The following VAV2 variants were observed in gnomAD, a reference collection of about 807,000 sequenced individuals.
VAV2 encodes guanine nucleotide exchange factor VAV2.
Under a neutral mutation model 132.5 loss-of-function variants are expected in VAV2, and 67 were observed. The ratio of observed to expected loss-of-function variants is 0.51; its 90% CI spans 0.42 to 0.62. The LOEUF (loss-of-function observed/expected upper bound fraction) is 0.62. Ranked by LOEUF, VAV2 falls within the 20% of genes least tolerant of loss-of-function variation. VAV2 has a pLI of 0.00. For synonymous variants in VAV2, 492 were observed against 443.5 expected, an observed-to-expected ratio of 1.11 and a Z score of -1.37; for missense variants, 938 against 1,153.6, an observed-to-expected ratio of 0.81 and a Z score of 2.71.
At chr9:133,811,998 G>T (rs1835374104) in intron 5 of VAV2, 116 bp downstream of exon 5, 13 of 1,041,432 alleles carry the variant, frequency 1.2e-5, no homozygotes, top group Non-Finnish European at 1.9e-5. Context: ...TGCACCCAGA[G>T]CAGCTCCCCT....
intron 1 of VAV2, among the ~76,000 whole-genome samples, chr9:133,975,087 G>A (rs1842463540): frequency 6.6e-6 from 1 of 152,222 alleles, no homozygotes; most frequent in Non-Finnish European, 1.5e-5. Flanking sequence ...CAAGGCAGGT[G>A]AAAGCACCAA....
intron 1 of VAV2, among the ~76,000 whole-genome samples, chr9:133,952,147 G>A (rs969341613): frequency 1.3e-5 from 2 of 152,026 alleles, no homozygotes; most frequent in Non-Finnish European, 2.9e-5. Context: ...TTTGGGGTAG[G>A]GTTTCAACAT....
At chr9:133,949,932 G>A (rs1436201138) in intron 1 of VAV2, among the ~76,000 whole-genome samples, 3 of 152,208 alleles carry the variant, frequency 2.0e-5, no homozygotes, top group Admixed American at 6.5e-5. Flanking sequence ...CTCCTGTGCA[G>A]CCTGATTTCC....
intron 2 of VAV2, among the ~76,000 whole-genome samples, chr9:133,913,971 G>A (rs1370327171): frequency 6.6e-6 from 1 of 152,192 alleles, no homozygotes; most frequent in Admixed American, 6.5e-5. Flanking sequence ...TCTTCGAAGG[G>A]GTTTCTGTTT....
At chr9:133,822,331 C>A (rs766424399) in intron 4 of VAV2, among the ~76,000 whole-genome samples, 1 of 152,204 alleles carries the variant, frequency 6.6e-6, no homozygotes, top group Admixed American at 6.5e-5. Flanking sequence ...ACTAGGAAAC[C>A]GAGTCGGATG....
At chr9:133,968,622 C>G (rs555815973) in intron 1 of VAV2, among the ~76,000 whole-genome samples, 1 of 152,304 alleles carries the variant, frequency 6.6e-6, no homozygotes, top group South Asian at 2.1e-4. Context: ...ACGACCCGGG[C>G]TCTGGGGCTG....
rs202055327 is a variant in VAV2 at position 133,768,584 on chromosome 9, C to T, written c.2447G>A (p.Arg816His). Residue 816 changes from arginine to histidine, a missense_variant, in exon 29 of 30, where the codon CGC becomes CAC. Transcript: ENST00000371850. The surrounding 1 kb of genome is among the most constrained non-coding windows in gnomAD (Gnocchi z 5.3). Reference sequence around the variant, plus strand: ...CCTGGCCACAGCTGTGCCGATGACGCGGGGCGTGAACACTGTTGAGGGAGA... The same window carrying T: ...CCTGGCCACAGCTGTGCCGATGACGTGGGGCGTGAACACTGTTGAGGGAGA... ...SAPFWSVFTP[R>H]VIGTAVARYN... is the part of the protein sequence containing the mutation. 139 of 1,613,772 alleles carry T rather than the reference C, an allele frequency of 8.6e-5. 1 individual carries two copies. The highest frequency in any genetic ancestry group is 2.0e-4 in the Admixed American group (12 of 59,996).
rs553565539 is a variant in VAV2, at chr9:133,971,073, C to T, written c.204+21002G>A. ...TCTCAGGAGCCCGCGGTGCCTCCTG[C>T]GGGGAGTGGGGACACCAAGGTCTGG... On this transcript the variant is annotated intron_variant, in intron 1 of 29. Transcript: ENST00000371850. Among the ~76,000 whole-genome samples, 4 of 152,286 alleles carry T rather than the reference C, an allele frequency of 2.6e-5. No individual in the cohort carries two copies. The South Asian group carries it at 8.3e-4, about 32-fold the overall frequency.
intron 15 of VAV2, among the ~76,000 whole-genome samples, chr9:133,787,955 G>A (rs1251113870): frequency 6.6e-6 from 1 of 152,234 alleles, no homozygotes; most frequent in Non-Finnish European, 1.5e-5. Context: ...GGGTGGGACG[G>A]GAGAGGAAAG....
At chr9:133,944,881 G>A (rs2132156929) in intron 1 of VAV2, among the ~76,000 whole-genome samples, 1 of 152,298 alleles carries the variant, frequency 6.6e-6, no homozygotes, top group East Asian at 1.9e-4. Context: ...GGAGAGCTCG[G>A]GCAAGTCTCC....
At chr9:133,828,753 T>A (rs1836149518) in intron 4 of VAV2, among the ~76,000 whole-genome samples, 1 of 152,218 alleles carries the variant, frequency 6.6e-6, no homozygotes, top group Admixed American at 6.5e-5. Context: ...TGTCCCACAA[T>A]AGCACAATAC....
intron 2 of VAV2, among the ~76,000 whole-genome samples, chr9:133,889,671 C>T (rs1348532287): frequency 3.9e-5 from 6 of 152,278 alleles, no homozygotes; most frequent in Admixed American, 6.5e-5. Context: ...CCTCAGCGAC[C>T]GAGTGCGTCA....
At chr9:133,861,329 G>A in intron 3 of VAV2, 45 bp downstream of exon 3, 2 of 1,580,912 alleles carry the variant, frequency 1.3e-6, no homozygotes, top group Non-Finnish European at 8.6e-7. Context: ...GGTGTCGATG[G>A]AGATGAAAGG....
intron 2 of VAV2, among the ~76,000 whole-genome samples, chr9:133,914,550 T>G: frequency 1.6e-5 from 2 of 123,222 alleles, no homozygotes. Flanking sequence ...GCAGTGGGGA[T>G]GGGGTGGGGG....
chr9:133,804,302 C>G lies in VAV2; in HGVS notation c.836+1779G>C, dbSNP rs1229409863. Among the ~76,000 whole-genome samples the G allele has an allele frequency of 2.0e-5, 3 of 152,258 alleles. No individual in the cohort carries two copies. The highest frequency in any genetic ancestry group is 2.9e-5 in the Non-Finnish European group (2 of 68,052). On this transcript the variant is annotated intron_variant, in intron 9 of 29. Coordinates refer to ENST00000371850, the MANE Select transcript of VAV2 (RefSeq NM_001134398.2). The surrounding 1 kb of genome is among the most constrained non-coding windows in gnomAD (Gnocchi z 4.5). ...AGCCCCTTCCCCAAACAGACCCCGA[C>G]TGACGGATCTCGCCACACGCCTCGC...
In VAV2 at chr9:133,775,056, A is replaced by G; in HGVS notation, c.2019-5T>C. The G allele has an allele frequency of 6.2e-7, 1 of 1,601,586 alleles. No homozygotes were observed. Among genetic ancestry groups the G allele is most frequent in the Non-Finnish European group, 8.5e-7 (1 of 1,174,374 alleles). On this transcript the variant is annotated splice_region_variant and splice_polypyrimidine_tract_variant and intron_variant, in intron 24 of 29. Transcript: ENST00000371850. ...CTCTCCATGTTACCTGCAAACCTACAGGAGGGGGCCGGGAGGAAACGAGAG... is the reference window on the plus strand; with the variant it reads ...CTCTCCATGTTACCTGCAAACCTACGGGAGGGGGCCGGGAGGAAACGAGAG...
Position 133,863,754 on chromosome 9 carries a change from T to TG in VAV2, c.322-2323dup, listed in dbSNP as rs34081180. ...CAGGCTTCCTAGCTGGCACTGGGGATGGGGGGAAGCTCAGAAGTCCACCAC... is the reference window on the plus strand; with the variant it reads ...CAGGCTTCCTAGCTGGCACTGGGGATGGGGGGGAAGCTCAGAAGTCCACCAC... On this transcript the variant is annotated intron_variant, in intron 2 of 29. Coordinates refer to ENST00000371850, the MANE Select transcript of VAV2 (RefSeq NM_001134398.2). This position sits in a 1 kb window ranked among gnomAD's most constrained non-coding sequence, Gnocchi z 5.0. 6.6e-6 allele frequency among the ~76,000 whole-genome samples: 1 copy of TG among 151,958 alleles called. No homozygotes were observed. Among genetic ancestry groups the TG allele is most frequent in the Non-Finnish European group, 1.5e-5 (1 of 67,952 alleles).
At chr9:133,878,019 G>A (rs1452988916) in intron 2 of VAV2, among the ~76,000 whole-genome samples, 1 of 152,118 alleles carries the variant, frequency 6.6e-6, no homozygotes, top group African/African-American at 2.4e-5. Flanking sequence ...TTGGCCCCCC[G>A]ACACCCCCCA....
At chr9:133,907,008 C>T (rs371180244) in intron 2 of VAV2, among the ~76,000 whole-genome samples, 8 of 152,236 alleles carry the variant, frequency 5.3e-5, no homozygotes, top group Admixed American at 4.6e-4. Flanking sequence ...CTATGCTGCT[C>T]GGCCCCCTCA....
Sources: gnomAD v4.1 joint callset for allele counts (sites outside exome capture counted in the v4.1 genomes callset) on GRCh38, gnomAD v4.1.1 for gene constraint, Gnocchi (gnomAD v3.1) non-coding constraint, MANE v1.5 for transcripts, NCBI Gene and HGNC (gene_info 2026-07-23, HGNC 2026-07-21) for gene names.